ADRA1B: variants seen among roughly 807,000 people sequenced by gnomAD.
ADRA1B encodes adrenoceptor alpha 1B, also known as alpha-1B adrenergic receptor.
Under a neutral mutation model 17.9 loss-of-function variants are expected in ADRA1B, and 17 were observed. The ratio of observed to expected loss-of-function variants is 0.95; its 90% CI spans 0.65 to 1.42. The LOEUF is 1.42. ADRA1B is among the 40% of genes most tolerant of loss of function. The pLI, the probability that ADRA1B is intolerant of heterozygous loss-of-function variation, is 0.00. For missense variants in ADRA1B, 681 were observed against 722.1 expected (o/e 0.94, Z 0.65); for synonymous variants, 366 against 327.6 (o/e 1.12, Z -1.27).
At chr5:159,963,998 A>G (rs188003964) in intron 1 of ADRA1B, among the ~76,000 whole-genome samples, 1 of 152,294 alleles carries the variant, frequency 6.6e-6, no homozygotes, top group East Asian at 1.9e-4. Flanking sequence ...CCGGAAAAAA[A>G]AGAATAAAAT....
chr5:159,881,131 G>A (rs942477322), intron 1 of ADRA1B, among the ~76,000 whole-genome samples: 1 of 133,358 alleles, frequency 7.5e-6, no homozygotes, highest in Non-Finnish European at 1.5e-5. Flanking sequence ...CCGAGATTGC[G>A]CCACTGCAGT....
At position 159,972,036 on chromosome 5, in the gene ADRA1B, C is replaced by A. The variant is rs767073094; in HGVS notation, c.1107C>A (p.Gly369=). The A allele has an allele frequency of 1.4e-6, 2 of 1,390,164 alleles. No individual in the cohort carries two copies. Among genetic ancestry groups the A allele is most frequent in the African/African-American group, 1.5e-5 (1 of 66,518 alleles). 86.1% of individuals were successfully genotyped at this position (1,390,164 alleles called of 1,614,324 possible). A position where few individuals can be genotyped will look rare whatever the true frequency, so the allele number is the denominator to read the frequency against. The change falls in exon 2 of 2, where the codon GGC becomes GGA. Residue 369 remains glycine (G), a synonymous_variant. Coordinates refer to ENST00000306675, the MANE Select transcript of ADRA1B (RefSeq NM_000679.4). ...GCATCCTCGGGTGCCAGTGCCGCGG[C>A]CGCGGCCGCCGCCGACGCCGCCGCC... ...FVRILGCQCR[G]RGRRRRRRRR...
At chr5:159,964,339 G>A (rs1437262153) in intron 1 of ADRA1B, among the ~76,000 whole-genome samples, 1 of 152,226 alleles carries the variant, frequency 6.6e-6, no homozygotes, top group African/African-American at 2.4e-5. Context: ...TTTCGAGAAA[G>A]AGGGAGCAGG....
At chr5:159,926,999 C>A (rs1444130633) in intron 1 of ADRA1B, among the ~76,000 whole-genome samples, 2 of 152,196 alleles carry the variant, frequency 1.3e-5, no homozygotes, top group Non-Finnish European at 2.9e-5. Context: ...TAAAAAGAGA[C>A]TGTCATAGAC....
chr5:159,884,621 G>T (rs950102254), intron 1 of ADRA1B, among the ~76,000 whole-genome samples: 1 of 152,190 alleles, frequency 6.6e-6, no homozygotes, highest in African/African-American at 2.4e-5. Context: ...TTATAGCAGT[G>T]CAAAACAGAC....
the ADRA1B span, among the ~76,000 whole-genome samples, chr5:159,988,451 C>G: frequency 2.6e-5 from 4 of 152,194 alleles, no homozygotes; most frequent in Non-Finnish European, 5.9e-5. Context: ...AGCTAATATG[C>G]ATCTCAGCAG....
At chr5:159,913,693 G>GA (rs1352578420), upstream of ADRA1B, among the ~76,000 whole-genome samples, 1 of 151,986 alleles carries the variant, frequency 6.6e-6, no homozygotes, top group African/African-American at 2.4e-5. Flanking sequence ...TGCCACCACA[G>GA]AAAAATGTCT....
At chr5:159,979,933 TGAG>T in the ADRA1B span, among the ~76,000 whole-genome samples, 1 of 149,392 alleles carries the variant, frequency 6.7e-6, no homozygotes, top group Admixed American at 6.7e-5. Flanking sequence ...CAAAGCATGA[TGAG>T]GAAGAGGAGA....
chr5:159,870,675 T>C (rs1753726764), intron 1 of ADRA1B: 2 of 152,176 alleles, frequency 1.3e-5, no homozygotes, highest in Non-Finnish European at 2.9e-5. Context: ...TTGGAAAAAG[T>C]GGCATGTTAA....
At chr5:159,904,809 GAAAT>G (rs1250290733) in intron 1 of ADRA1B, among the ~76,000 whole-genome samples, 1 of 152,218 alleles carries the variant, frequency 6.6e-6, no homozygotes, top group Non-Finnish European at 1.5e-5. Flanking sequence ...TTGGGAGAAA[GAAAT>G]ACTTTTAATT....
chr5:159,949,392 G>T (rs745944331), intron 1 of ADRA1B, among the ~76,000 whole-genome samples: 10 of 152,132 alleles, frequency 6.6e-5, no homozygotes, highest in Admixed American at 6.5e-4. Flanking sequence ...GTACATGGGC[G>T]CTTTTGAAAA....
chr5:159,928,276 C>A (rs1352377597), intron 1 of ADRA1B, among the ~76,000 whole-genome samples: 2 of 152,138 alleles, frequency 1.3e-5, no homozygotes, highest in Non-Finnish European at 2.9e-5. Context: ...CCCATCATCA[C>A]CCCTCCTGGC....
chr5:159,919,484 G>T (rs1054694986), intron 1 of ADRA1B, among the ~76,000 whole-genome samples: 1 of 152,200 alleles, frequency 6.6e-6, no homozygotes, highest in Non-Finnish European at 1.5e-5. Context: ...TACAAAACAG[G>T]GCTGATTAAT....
chr5:159,913,111 T>C (rs764152918), upstream of ADRA1B, among the ~76,000 whole-genome samples: 11 of 152,174 alleles, frequency 7.2e-5, no homozygotes, highest in Non-Finnish European at 1.6e-4. Context: ...TCAACTTCAG[T>C]GGCAGCTTCC....
downstream of ADRA1B, among the ~76,000 whole-genome samples, chr5:159,977,609 A>G (rs756844487): frequency 2.0e-5 from 3 of 152,214 alleles, no homozygotes; most frequent in Non-Finnish European, 4.4e-5. Flanking sequence ...TTAAGAGCCA[A>G]GAATTTGACA....
intron 1 of ADRA1B, among the ~76,000 whole-genome samples, chr5:159,930,284 AT>A (rs1754764229): frequency 6.6e-6 from 1 of 152,250 alleles, no homozygotes; most frequent in African/African-American, 2.4e-5. Context: ...GTTTAACCTG[AT>A]TATGCGTAAT....
intron 1 of ADRA1B, among the ~76,000 whole-genome samples, chr5:159,953,600 C>A (rs1378097828): frequency 6.6e-6 from 1 of 152,178 alleles, no homozygotes; most frequent in Non-Finnish European, 1.5e-5. Flanking sequence ...GTCTCTACCA[C>A]TGTGTAATCT....
intron 1 of ADRA1B, among the ~76,000 whole-genome samples, chr5:159,904,875 AATC>A (rs1754142119): frequency 6.6e-6 from 1 of 152,262 alleles, no homozygotes; most frequent in African/African-American, 2.4e-5. Flanking sequence ...AATATCTGCT[AATC>A]ACTAGAATCT....
At chr5:159,927,313 A>T (rs1754683432) in intron 1 of ADRA1B, among the ~76,000 whole-genome samples, 1 of 152,050 alleles carries the variant, frequency 6.6e-6, no homozygotes. Flanking sequence ...TTTATAGCAG[A>T]GCCAGATAGA....
Sources: gnomAD v4.1 joint callset for allele counts (sites outside exome capture counted in the v4.1 genomes callset) on GRCh38, gnomAD v4.1.1 for gene constraint, MANE v1.5 for transcripts, NCBI Gene and HGNC (gene_info 2026-07-23, HGNC 2026-07-21) for gene names.